Variants in SOCS5 observed in about 807,000 individuals in gnomAD.
SOCS5 encodes suppressor of cytokine signaling 5.
Under a neutral mutation model 42.8 loss-of-function variants are expected in SOCS5, and 32 were observed. The ratio of observed to expected loss-of-function variants is 0.75; its 90% CI spans 0.56 to 1.01. The LOEUF is 1.01. Among genes scored for constraint, SOCS5 ranks in the 50% least tolerant of loss-of-function variants. The probability of loss-of-function intolerance (pLI) is 0.00; values close to 1 mark genes in which losing one functional copy is unlikely to be tolerated. For synonymous variants in SOCS5, 283 were observed against 229.6 expected (o/e 1.23, Z -2.10); for missense variants, 627 against 653.0 (o/e 0.96, Z 0.43).
rs779177821 is a variant in SOCS5, at chr2:46,758,754, C to T, written c.224C>T (p.Ser75Phe). Residue 75 changes from serine to phenylalanine, a missense_variant, in exon 2 of 2, where the codon TCT becomes TTT. By Grantham distance (155) the Ser-to-Phe change is radical. Coordinates refer to ENST00000394861, the MANE Select transcript of SOCS5 (RefSeq NM_144949.3). ...LQLGLSPSKN[S>F]SRRNQNCATE... is the part of the protein sequence containing the mutation. ...CTGGGATTAAGCCCTTCGAAGAATT[C>T]TTCAAGGAGAAATCAAAATTGTGCC... is the stretch of plus-strand genomic sequence containing the variant. 1 of 1,614,154 alleles carries T rather than the reference C, an allele frequency of 6.2e-7. No homozygotes were observed. Among genetic ancestry groups the T allele is most frequent in the Non-Finnish European group, 8.5e-7 (1 of 1,180,002 alleles).
chr2:46,716,367 A>ATTTTTTTTTTTTTTTTTT (rs35187667), intron 1 of SOCS5, among the ~76,000 whole-genome samples: 4 of 17,042 alleles, frequency 2.3e-4, no homozygotes, highest in Non-Finnish European at 2.3e-4. Flanking sequence ...GAGTGTCTTC[A>ATTTTTTTTTTTTTTTTTT]TTTTTTTTTT....
chr2:46,746,789 C>T (rs1673509020), intron 1 of SOCS5, among the ~76,000 whole-genome samples: 1 of 151,882 alleles, frequency 6.6e-6, no homozygotes, highest in Non-Finnish European at 1.5e-5. Flanking sequence ...ATCTTGTATC[C>T]TGTGACCCTG....
intron 1 of SOCS5, among the ~76,000 whole-genome samples, chr2:46,743,780 T>C (rs1169407773): frequency 1.3e-5 from 2 of 152,152 alleles, no homozygotes; most frequent in Non-Finnish European, 2.9e-5. Context: ...GGGGGGCATC[T>C]CCAAATATGT....
intron 1 of SOCS5, among the ~76,000 whole-genome samples, chr2:46,714,653 C>T (rs1457704101): frequency 6.6e-6 from 1 of 152,092 alleles, no homozygotes; most frequent in African/African-American, 2.4e-5. Context: ...ATCTGGCCTG[C>T]CACCTGTTTA....
chr2:46,759,330 G>A lies in SOCS5; in HGVS notation c.800G>A (p.Arg267Lys), dbSNP rs61746760. 6 of 1,613,868 alleles carry A rather than the reference G, an allele frequency of 3.7e-6. No homozygotes were observed. The African/African-American group carries it at 8.0e-5, about 22-fold the overall frequency. ...GATGAAGAAGATAGGCTTAGAGAGA[G>A]AAGGCGGCTTAGTATTGAAGAAGGG... ...TEDEEDRLRERRRLSIEEGVD... is the reference protein window; with the variant it reads ...TEDEEDRLREKRRLSIEEGVD... Residue 267 changes from arginine to lysine, a missense_variant, in exon 2 of 2, where the codon AGA (arginine) becomes AAA (lysine). This residue lies in a region of SOCS5 where 340 missense variants were observed against 367.6 expected (regional missense o/e 0.92). Coordinates refer to ENST00000394861, the MANE Select transcript of SOCS5 (RefSeq NM_144949.3).
intron 1 of SOCS5, among the ~76,000 whole-genome samples, chr2:46,747,238 T>TGGG (rs1673522952): frequency 1.3e-5 from 2 of 152,168 alleles, no homozygotes; most frequent in Admixed American, 1.3e-4. Flanking sequence ...TACTTTTTTT[T>TGGG]GAGACAGGAT....
intron 1 of SOCS5, among the ~76,000 whole-genome samples, chr2:46,718,760 C>T (rs1672810406): frequency 6.6e-6 from 1 of 152,060 alleles, no homozygotes; most frequent in East Asian, 1.9e-4. Context: ...AGCCGAAGAG[C>T]TTAGAGTTAT....
Position 46,758,822 on chromosome 2 carries a change from A to G in SOCS5, c.292A>G (p.Asn98Asp). Reference protein sequence around the residue: ...QIVEISIEKDNDSCVTPGTRL... With the variant: ...QIVEISIEKDDDSCVTPGTRL... ...TGTTGAAATAAGCATCGAAAAGGATAATGATTCTTGTGTTACCCCAGGAAC... is the reference window on the plus strand; with the variant it reads ...TGTTGAAATAAGCATCGAAAAGGATGATGATTCTTGTGTTACCCCAGGAAC... Residue 98 changes from asparagine to aspartate, a missense_variant, in exon 2 of 2, where the codon AAT becomes GAT. Transcript: ENST00000394861. 1 of 1,614,206 alleles carries G rather than the reference A, an allele frequency of 6.2e-7. No individual in the cohort carries two copies. Among genetic ancestry groups the G allele is most frequent in the Non-Finnish European group, 8.5e-7 (1 of 1,179,994 alleles).
intron 1 of SOCS5, among the ~76,000 whole-genome samples, chr2:46,725,754 C>T (rs570305692): frequency 1.3e-5 from 2 of 151,942 alleles, no homozygotes; most frequent in South Asian, 4.2e-4. Flanking sequence ...CATTTTTTCC[C>T]TTGATATCAT....
In SOCS5 at chr2:46,759,736, G is replaced by GT; in HGVS notation, c.1211dup (p.Leu404PhefsTer28). 6.2e-7 allele frequency: 1 copy of GT among 1,614,126 alleles called. No individual in the cohort carries two copies. The highest frequency in any genetic ancestry group is 8.5e-7 in the Non-Finnish European group (1 of 1,180,002). ...TTCTCGAAGGGAAACCTGAAGGCAC[G>GT]TTTTTGCTCAGGGACTCTGCGCAAG... On this transcript the variant is annotated frameshift_variant, in exon 2 of 2. Coordinates refer to ENST00000394861, the MANE Select transcript of SOCS5 (RefSeq NM_144949.3). LOFTEE classifies it high-confidence loss of function.
chr2:46,756,784 G>A (rs902096755), intron 1 of SOCS5, among the ~76,000 whole-genome samples: 4 of 152,130 alleles, frequency 2.6e-5, no homozygotes, highest in South Asian at 4.1e-4. Context: ...GCAGGAATTC[G>A]ACTGTATTAA....
At position 46,758,783 on chromosome 2, in the gene SOCS5, G is replaced by A; in HGVS notation, c.253G>A (p.Glu85Lys). The change falls in exon 2 of 2, where the codon GAA becomes AAA. Residue 85 changes from glutamate (E) to lysine (K), a missense_variant. Physicochemically the swap from Glu to Lys is moderately conservative, Grantham distance 56. This residue lies in a region of SOCS5 where 278 missense variants were observed against 246.3 expected (regional missense o/e 1.13). Coordinates refer to ENST00000394861, the MANE Select transcript of SOCS5 (RefSeq NM_144949.3). Reference protein sequence around the residue: ...SSRRNQNCATEIPQIVEISIE... With the variant: ...SSRRNQNCATKIPQIVEISIE... ...AAGGAGAAATCAAAATTGTGCCACA[G>A]AAATCCCTCAAATTGTTGAAATAAG... The A allele has an allele frequency of 6.2e-7, 1 of 1,614,194 alleles. No individual in the cohort carries two copies.
chr2:46,703,877 GAGC>G (rs1672401576), intron 1 of SOCS5, among the ~76,000 whole-genome samples: 1 of 152,178 alleles, frequency 6.6e-6, no homozygotes, highest in African/African-American at 2.4e-5. Flanking sequence ...AATCTGGTTA[GAGC>G]AGAAGTAATC....
At chr2:46,724,723 C>T (rs769129749) in intron 1 of SOCS5, among the ~76,000 whole-genome samples, 3 of 151,996 alleles carry the variant, frequency 2.0e-5, no homozygotes, top group African/African-American at 4.8e-5. Context: ...GGTCAAACAA[C>T]ATATTTTATG....
intron 1 of SOCS5, among the ~76,000 whole-genome samples, chr2:46,704,988 A>G (rs1672429121): frequency 6.6e-6 from 1 of 152,176 alleles, no homozygotes; most frequent in Non-Finnish European, 1.5e-5. Flanking sequence ...GTGAACAAGA[A>G]CACATCCATG....
rs1362855207 is a variant in SOCS5 at position 46,760,505 on chromosome 2, CTAA to C, written c.*366_*368del. On this transcript the variant is annotated 3_prime_UTR_variant, in exon 2 of 2. Coordinates refer to ENST00000394861, the MANE Select transcript of SOCS5 (RefSeq NM_144949.3). The stretch of plus-strand genomic sequence containing the variant: ...TTGGATGAGTATTTCAACAGTGTGA[CTAA>C]TGTTTGAAATTATTTTTTCTAAGAG... The C allele has an allele frequency of 1.1e-5, 2 of 183,670 alleles. No individual in the cohort carries two copies. The highest frequency in any genetic ancestry group is 1.3e-5 in the Non-Finnish European group (1 of 79,438). 11.4% of individuals were successfully genotyped at this position (183,670 alleles called of 1,614,324 possible).
chr2:46,728,260 T>G (rs185996695), intron 1 of SOCS5, among the ~76,000 whole-genome samples: 1 of 152,322 alleles, frequency 6.6e-6, no homozygotes. Context: ...TTCAGAATCT[T>G]TAAATAGCTG....
At chr2:46,752,365 A>G (rs1218407037) in intron 1 of SOCS5, among the ~76,000 whole-genome samples, 2 of 151,874 alleles carry the variant, frequency 1.3e-5, no homozygotes, top group Non-Finnish European at 2.9e-5. Flanking sequence ...CTTCCATGAA[A>G]CCAGTCCCTG....
chr2:46,741,577 A>G (rs6728881), intron 1 of SOCS5, among the ~76,000 whole-genome samples: 121,132 of 152,126 alleles, frequency 0.8, 49,091 homozygotes, highest in African/African-American at 0.94. Flanking sequence ...ACTATCCAGA[A>G]ATAACCACAG....
Sources: allele counts gnomAD v4.1 joint callset (sites outside exome capture counted in the v4.1 genomes callset), GRCh38; gene constraint gnomAD v4.1.1; regional missense constraint gnomAD v4.1.1; transcripts MANE v1.5; gene names NCBI Gene and HGNC (gene_info 2026-07-23, HGNC 2026-07-21).